The following CPLANE1 variants were observed in gnomAD, a reference collection of about 807,000 sequenced individuals.
CPLANE1 encodes ciliogenesis and planar polarity effector complex subunit 1.
In CPLANE1, 263 loss-of-function variants were observed where a neutral mutation model predicts 362.5. The ratio of observed to expected loss-of-function variants is 0.73; its 90% confidence interval spans 0.66 to 0.80. The LOEUF is 0.80. Ranked by LOEUF, CPLANE1 falls within the 30% of genes least tolerant of loss-of-function variation. The probability of loss-of-function intolerance (pLI) is 0.00; values close to 1 mark genes in which losing one functional copy is unlikely to be tolerated. For missense variants in CPLANE1, 3,461 were observed against 3,793.4 expected (o/e 0.91, Z 2.30); for synonymous variants, 1,212 against 1,302.6 (o/e 0.93, Z 1.50).
rs181425843 is a variant in CPLANE1, at chr5:37,137,901, C to T, written c.8792+819G>A. On this transcript the variant is annotated intron_variant, in intron 46 of 52. Coordinates refer to ENST00000651892, the MANE Select transcript of CPLANE1 (RefSeq NM_001384732.1). Reference sequence around the variant, plus strand: ...GGATGGGGACACAGCCAAACCATATCAGTCAGATATCAGGGTTGTTTTTTT... The same window carrying T: ...GGATGGGGACACAGCCAAACCATATTAGTCAGATATCAGGGTTGTTTTTTT... 3.7e-3 allele frequency among the ~76,000 whole-genome samples: 560 copies of T among 151,862 alleles called. 6 individuals are homozygous for T. The highest frequency in any genetic ancestry group is 3.8e-3 in the Non-Finnish European group (258 of 67,960).
chr5:37,242,190 T>C (rs892507298), intron 6 of CPLANE1, among the ~76,000 whole-genome samples: 1 of 151,752 alleles, frequency 6.6e-6, no homozygotes, highest in South Asian at 2.1e-4. Flanking sequence ...CCGTCTCTAC[T>C]AAAAATACAA....
intron 38 of CPLANE1, among the ~76,000 whole-genome samples, chr5:37,159,390 C>T (rs557171199): frequency 3.5e-4 from 53 of 151,590 alleles, no homozygotes; most frequent in Non-Finnish European, 6.0e-4. Flanking sequence ...GGATTACAGG[C>T]GTGAGCCACC....
chr5:37,235,960 C>T (rs1437780797), intron 8 of CPLANE1, among the ~76,000 whole-genome samples: 1 of 151,584 alleles, frequency 6.6e-6, no homozygotes, highest in Non-Finnish European at 1.5e-5. Context: ...ACCTCCACCG[C>T]CAGGGTTCAA....
chr5:37,151,444 C>T (rs904440517), intron 42 of CPLANE1, among the ~76,000 whole-genome samples: 1 of 152,184 alleles, frequency 6.6e-6, no homozygotes, highest in Non-Finnish European at 1.5e-5. Context: ...TTAGATTTTA[C>T]ACTCCTTGAG....
chr5:37,235,533 A>G (rs1177379339), intron 8 of CPLANE1, among the ~76,000 whole-genome samples: 1 of 151,652 alleles, frequency 6.6e-6, no homozygotes, highest in East Asian at 1.9e-4. Flanking sequence ...CAAAAACAAA[A>G]GAACAAAGCT....
intron 15 of CPLANE1, among the ~76,000 whole-genome samples, chr5:37,215,739 CTTT>C (rs567527656): frequency 6.3e-5 from 6 of 95,196 alleles, no homozygotes; most frequent in African/African-American, 1.6e-4. Flanking sequence ...CTTCTCTTTC[CTTT>C]TTTTTTTTTT....
chr5:37,157,620 A>G, intron 40 of CPLANE1, 50 bp downstream of exon 40: 2 of 1,507,282 alleles, frequency 1.3e-6, no homozygotes, highest in African/African-American at 1.4e-5. Context: ...ACAATGCTAT[A>G]TTAAAGAACT....
chr5:37,205,188 T>C, intron 18 of CPLANE1, 127 bp downstream of exon 18: 1 of 599,364 alleles, frequency 1.7e-6, no homozygotes, highest in Non-Finnish European at 2.5e-6. Context: ...AAAATAAATA[T>C]CATACTTTCA....
the CPLANE1 span, chr5:37,085,085 G>A: frequency 2.8e-6 from 2 of 726,182 alleles, no homozygotes; most frequent in Non-Finnish European, 5.1e-6. Flanking sequence ...AGCATCTGAA[G>A]TAGGTAGCAA....
chr5:37,171,923 A>G (rs1415857961), intron 32 of CPLANE1, among the ~76,000 whole-genome samples: 1 of 152,044 alleles, frequency 6.6e-6, no homozygotes, highest in African/African-American at 2.4e-5. Context: ...AGTAGCTGAG[A>G]CTATAGGCAT....
chr5:37,189,349 T>C (rs1196463076), intron 21 of CPLANE1, among the ~76,000 whole-genome samples: 3 of 152,142 alleles, frequency 2.0e-5, no homozygotes, highest in African/African-American at 7.2e-5. Context: ...GGTGGGTACA[T>C]GGCCCCAGGG....
At position 37,168,939 on chromosome 5, in the gene CPLANE1, A is replaced by G; in HGVS notation, c.7085T>C (p.Leu2362Pro). 6.2e-7 allele frequency: 1 copy of G among 1,614,206 alleles called. No homozygotes were observed. The highest frequency in any genetic ancestry group is 8.5e-7 in the Non-Finnish European group (1 of 1,180,026). Residue 2362 changes from leucine to proline, a missense_variant, in exon 34 of 53, where the codon CTA becomes CCA. Physicochemically the swap from Leu to Pro is moderately conservative, Grantham distance 98. Transcript: ENST00000651892. ...SPHHSFGLPL[L>P]YLPLKPPNMF... ...ATTAGGAGGTTTAAGTGGCAGGTATAGTAACGGAAGTCCAAAGGAATGGTG... is the reference window on the plus strand; with the variant it reads ...ATTAGGAGGTTTAAGTGGCAGGTATGGTAACGGAAGTCCAAAGGAATGGTG...
At chr5:37,180,787 T>A (rs1782469917) in intron 27 of CPLANE1, 70 bp downstream of exon 27, 11 of 1,455,314 alleles carry the variant, frequency 7.6e-6, no homozygotes, top group Non-Finnish European at 1.0e-5. Context: ...GGTTTGATCT[T>A]CCCTTTAAGC....
chr5:37,189,575 T>C lies in CPLANE1; in HGVS notation c.3812-1733A>G, dbSNP rs185908663. ...GTGCAGCAACATACTAAACAGTGAC[T>C]CATCTAAAAACATCCTTTATCTGTG... On this transcript the variant is annotated intron_variant, in intron 21 of 52. Transcript: ENST00000651892. 1.3e-3 allele frequency among the ~76,000 whole-genome samples: 204 copies of C among 152,364 alleles called. 1 individual carries two copies. The Middle Eastern group carries it at 0.014, about 10-fold the overall frequency.
At chr5:37,152,429 T>C (rs114606840) in intron 42 of CPLANE1, among the ~76,000 whole-genome samples, 2 of 152,168 alleles carry the variant, frequency 1.3e-5, no homozygotes, top group Non-Finnish European at 2.9e-5. Context: ...CATGGTCTCA[T>C]TTAACCTATT....
chr5:37,169,589 G>C (rs755033651), intron 33 of CPLANE1, 28 bp from the exon 34 acceptor site: 1 of 1,526,674 alleles, frequency 6.6e-7, no homozygotes, highest in African/African-American at 1.4e-5. Context: ...TATTATGTAA[G>C]TTTAGAATAT....
chr5:37,157,468 A>C (rs577905444), intron 40 of CPLANE1, 48 bp from the exon 41 acceptor site: 2 of 1,361,550 alleles, frequency 1.5e-6, no homozygotes, highest in Non-Finnish European at 2.0e-6. Context: ...TGATTCTATC[A>C]AGACTATGAA....
At chr5:37,174,197 G>C (rs185284976) in intron 31 of CPLANE1, among the ~76,000 whole-genome samples, 2 of 152,234 alleles carry the variant, frequency 1.3e-5, no homozygotes, top group Admixed American at 1.3e-4. Flanking sequence ...CCTTCATAGG[G>C]TGTTGCAAAC....
At chr5:37,244,779 G>A (rs1209162596) in intron 4 of CPLANE1, among the ~76,000 whole-genome samples, 172 bp from the exon 5 acceptor site, 1 of 152,010 alleles carries the variant, frequency 6.6e-6, no homozygotes, top group Admixed American at 6.6e-5. Flanking sequence ...GCTCATGCCT[G>A]TAATCCCAGC....
Sources: gnomAD v4.1 joint callset for allele counts (sites outside exome capture counted in the v4.1 genomes callset) on GRCh38, gnomAD v4.1.1 for gene constraint, MANE v1.5 for transcripts, NCBI Gene and HGNC (gene_info 2026-07-23, HGNC 2026-07-21) for gene names.